The following ARHGAP15 variants were observed in gnomAD, a reference collection of about 807,000 sequenced individuals.
ARHGAP15 encodes the protein rho GTPase-activating protein 15.
Under a neutral mutation model 63.7 loss-of-function variants are expected in ARHGAP15, and 51 were observed. That is an observed-to-expected ratio of 0.80 (90% CI 0.64 to 1.01). ARHGAP15 has a LOEUF of 1.01. Ranked by LOEUF, ARHGAP15 falls within the 50% of genes least tolerant of loss-of-function variation. ARHGAP15 has a pLI of 0.00. For synonymous variants in ARHGAP15, 191 were observed against 193.8 expected (o/e 0.99, Z 0.12); for missense variants, 560 against 564.6 (o/e 0.99, Z 0.08).
At chr2:143,543,345 T>C (rs1253193606) in intron 10 of ARHGAP15, among the ~76,000 whole-genome samples, 13 of 152,204 alleles carry the variant, frequency 8.5e-5, no homozygotes, top group Admixed American at 8.5e-4. Context: ...TATGTCTTTT[T>C]TTGAGAAGTA....
chr2:143,544,268 A>G (rs1250793657), intron 10 of ARHGAP15, among the ~76,000 whole-genome samples: 1 of 152,206 alleles, frequency 6.6e-6, no homozygotes, highest in Non-Finnish European at 1.5e-5. Flanking sequence ...GTCTTAAACC[A>G]TCTTTCAGCT....
chr2:143,429,793 G>C (rs567506374), intron 6 of ARHGAP15, among the ~76,000 whole-genome samples: 1 of 152,118 alleles, frequency 6.6e-6, no homozygotes, highest in Non-Finnish European at 1.5e-5. Context: ...AACATCTTTA[G>C]ATATGTAGAA....
chr2:143,484,300 T>C (rs540356823), intron 8 of ARHGAP15, among the ~76,000 whole-genome samples: 1 of 146,024 alleles, frequency 6.8e-6, no homozygotes, highest in East Asian at 2.0e-4. Flanking sequence ...CAGGTGGCAA[T>C]GGTTGCAGTG....
chr2:143,473,598 G>A (rs912232288), intron 8 of ARHGAP15, among the ~76,000 whole-genome samples: 2 of 152,082 alleles, frequency 1.3e-5, no homozygotes, highest in Non-Finnish European at 2.9e-5. Flanking sequence ...TGTCCCTGTT[G>A]GAATAAATGC....
intron 11 of ARHGAP15, among the ~76,000 whole-genome samples, chr2:143,586,688 A>G (rs1331399793): frequency 6.6e-6 from 1 of 151,284 alleles, no homozygotes; most frequent in African/African-American, 2.4e-5. Flanking sequence ...TTTTTTTTTT[A>G]ACTATAGGTT....
chr2:143,526,414 G>A (rs1422728594), intron 10 of ARHGAP15, among the ~76,000 whole-genome samples: 5 of 151,426 alleles, frequency 3.3e-5, no homozygotes, highest in Non-Finnish European at 1.5e-5. Context: ...TAAAGTTTAG[G>A]TTCTTAACAT....
chr2:143,301,725 G>T (rs1682907225), intron 6 of ARHGAP15, among the ~76,000 whole-genome samples: 1 of 151,584 alleles, frequency 6.6e-6, no homozygotes, highest in Non-Finnish European at 1.5e-5. Flanking sequence ...TTCCATATGT[G>T]TATATATGTG....
At chr2:143,257,188 C>T (rs1057067742) in intron 6 of ARHGAP15, among the ~76,000 whole-genome samples, 1 of 152,002 alleles carries the variant, frequency 6.6e-6, no homozygotes, top group Admixed American at 6.6e-5. Context: ...TGCTCATTTG[C>T]ACACCTTCAT....
chr2:143,132,968 ATTATT>A (rs1688972141), intron 1 of ARHGAP15, among the ~76,000 whole-genome samples: 1 of 152,228 alleles, frequency 6.6e-6, no homozygotes, highest in African/African-American at 2.4e-5. Context: ...CAGAGTGACT[ATTATT>A]TTAATAATTA....
rs567839827 is a variant in ARHGAP15, at chr2:143,646,882, A to AAAG, written c.1138+22618_1138+22620dup. ...AATAAGACGTGTTTAATTTTGACAA[A>AAAG]AAGAAAAGAAAACCGAGAGTAGCAA... On this transcript the variant is annotated intron_variant, in intron 12 of 13. Coordinates refer to ENST00000295095, the MANE Select transcript of ARHGAP15 (RefSeq NM_018460.4). 1.5e-4 allele frequency among the ~76,000 whole-genome samples: 23 copies of AAAG among 152,154 alleles called. No homozygotes were observed. The East Asian group carries it at 1.7e-3, about 12-fold the overall frequency.
chr2:143,239,921 G>T (rs1258903681), intron 5 of ARHGAP15, among the ~76,000 whole-genome samples: 1 of 149,370 alleles, frequency 6.7e-6, no homozygotes, highest in African/African-American at 2.5e-5. Flanking sequence ...AACCCAGGAG[G>T]TGGTGGTTGC....
chr2:143,197,033 T>C (rs2105102254), intron 2 of ARHGAP15, among the ~76,000 whole-genome samples: 1 of 152,094 alleles, frequency 6.6e-6, no homozygotes, highest in Non-Finnish European at 1.5e-5. Context: ...GAACCCTCCT[T>C]TGTCAGCATT....
At position 143,155,465 on chromosome 2, in the gene ARHGAP15, A is replaced by G. The variant is rs780814622; in HGVS notation, c.-14-12A>G. The G allele has an allele frequency of 3.2e-6, 5 of 1,564,468 alleles. No individual in the cohort carries two copies. Among genetic ancestry groups the G allele is most frequent in the Admixed American group, 2.0e-5 (1 of 49,104 alleles). On this transcript the variant is annotated splice_polypyrimidine_tract_variant and intron_variant, in intron 1 of 13. Transcript: ENST00000295095. ...TGTTTAGAATAACATAATACATTTT[A>G]TATTTTATCAGGATAGCACTATAAT...
chr2:143,348,104 T>G (rs941982127), intron 6 of ARHGAP15, among the ~76,000 whole-genome samples: 1 of 152,126 alleles, frequency 6.6e-6, no homozygotes, highest in Non-Finnish European at 1.5e-5. Flanking sequence ...CATGATCATA[T>G]TTTTTCCCCA....
At chr2:143,629,502 T>G (rs1012847019) in intron 12 of ARHGAP15, among the ~76,000 whole-genome samples, 1 of 152,270 alleles carries the variant, frequency 6.6e-6, no homozygotes, top group Non-Finnish European at 1.5e-5. Flanking sequence ...TGATAGGTGA[T>G]GCAATCTTGT....
chr2:143,735,083 A>T (rs1244963558), intron 13 of ARHGAP15, among the ~76,000 whole-genome samples: 3 of 152,236 alleles, frequency 2.0e-5, no homozygotes, highest in Admixed American at 6.5e-5. Flanking sequence ...GATTTTAGAG[A>T]CAGATATTCG....
intron 13 of ARHGAP15, among the ~76,000 whole-genome samples, chr2:143,747,940 T>C (rs1686232190): frequency 6.6e-6 from 1 of 152,218 alleles, no homozygotes; most frequent in Non-Finnish European, 1.5e-5. Flanking sequence ...TACGTTGTGA[T>C]TTTTTGGAAC....
At chr2:143,396,916 A>G (rs926030145) in intron 6 of ARHGAP15, among the ~76,000 whole-genome samples, 5 of 152,156 alleles carry the variant, frequency 3.3e-5, no homozygotes, top group African/African-American at 1.2e-4. Flanking sequence ...AATATTTCTA[A>G]CCTGCAACAG....
rs867950451 is a variant in ARHGAP15, at chr2:143,514,345, G to T, written c.827-4921G>T. 2.0e-5 allele frequency among the ~76,000 whole-genome samples: 3 copies of T among 152,188 alleles called. No homozygotes were observed. In the South Asian group the frequency reaches 6.2e-4, roughly 32 times the overall value. On this transcript the variant is annotated intron_variant, in intron 9 of 13. Coordinates refer to ENST00000295095, the MANE Select transcript of ARHGAP15 (RefSeq NM_018460.4). ...ATTGGGTTAATCTGGAGAGAATGCA[G>T]AAGAGGTGCCATAAAATTTGGTAAG... is the stretch of plus-strand genomic sequence containing the variant.
Sources: gnomAD v4.1 joint callset for allele counts (sites outside exome capture counted in the v4.1 genomes callset) on GRCh38, gnomAD v4.1.1 for gene constraint, MANE v1.5 for transcripts, NCBI Gene and HGNC (gene_info 2026-07-23, HGNC 2026-07-21) for gene names.